Variants in DLG2 observed in about 807,000 individuals in gnomAD.
The protein encoded by DLG2 is discs large MAGUK scaffold protein 2.
Under a neutral mutation model 132.5 loss-of-function variants are expected in DLG2, and 45 were observed. The observed-to-expected ratio is 0.34, with a 90% CI of 0.27 to 0.44. The LOEUF (loss-of-function observed/expected upper bound fraction) is 0.44. Ranked by LOEUF, DLG2 falls within the 20% of genes least tolerant of loss-of-function variation. DLG2 has a pLI of 1.00. For synonymous variants in DLG2, 424 were observed against 419.6 expected, an observed-to-expected ratio of 1.01 and a Z score of -0.13; for missense variants, 1,045 against 1,196.9, an observed-to-expected ratio of 0.87 and a Z score of 1.87.
intron 6 of DLG2, among the ~76,000 whole-genome samples, chr11:84,929,015 T>C (rs1419651787): frequency 1.5e-5 from 2 of 134,248 alleles, no homozygotes; most frequent in South Asian, 2.3e-4. Context: ...TATATATATA[T>C]ATATATATAT....
chr11:85,197,143 G>A (rs1174764143), intron 4 of DLG2, among the ~76,000 whole-genome samples: 1 of 152,200 alleles, frequency 6.6e-6, no homozygotes, highest in African/African-American at 2.4e-5. Flanking sequence ...TATACAATCA[G>A]AGAGCTATAT....
intron 13 of DLG2, among the ~76,000 whole-genome samples, chr11:83,964,654 A>G (rs1265126173): frequency 6.6e-6 from 1 of 152,012 alleles, no homozygotes; most frequent in African/African-American, 2.4e-5. Context: ...AAACTTAGTT[A>G]AGATTCGTGT....
At chr11:84,777,211 C>A (rs2070724064) in intron 6 of DLG2, among the ~76,000 whole-genome samples, 1 of 135,288 alleles carries the variant, frequency 7.4e-6, no homozygotes, top group Non-Finnish European at 1.6e-5. Context: ...CATGTTGCTG[C>A]AAAAGATGTA....
chr11:84,334,867 A>T (rs1163012561), intron 7 of DLG2, among the ~76,000 whole-genome samples: 3 of 152,158 alleles, frequency 2.0e-5, no homozygotes. Context: ...TGAGAAAGTG[A>T]CATTTCGGCT....
intron 6 of DLG2, among the ~76,000 whole-genome samples, chr11:84,796,790 T>C (rs995442673): frequency 1.3e-5 from 2 of 151,878 alleles, no homozygotes; most frequent in African/African-American, 2.4e-5. Flanking sequence ...TTGTATGTTA[T>C]TTGTGTCTTT....
chr11:85,426,563 G>A (rs1242770382), intron 3 of DLG2, among the ~76,000 whole-genome samples: 1 of 150,588 alleles, frequency 6.6e-6, no homozygotes, highest in Non-Finnish European at 1.5e-5. Context: ...TGCAGCTGAG[G>A]GTCCTGATTG....
chr11:85,434,169 A>G (rs2091346859), intron 3 of DLG2, among the ~76,000 whole-genome samples: 1 of 152,196 alleles, frequency 6.6e-6, no homozygotes, highest in Non-Finnish European at 1.5e-5. Context: ...ACACAGCTAA[A>G]GCTGTGTTAA....
chr11:84,669,697 C>T (rs1413752124), intron 6 of DLG2, among the ~76,000 whole-genome samples: 2 of 151,968 alleles, frequency 1.3e-5, no homozygotes, highest in Non-Finnish European at 2.9e-5. Flanking sequence ...CATTTAGGGT[C>T]ACCTGACAAT....
Position 84,545,547 on chromosome 11 carries a change from G to A in DLG2, c.358-10816C>T, listed in dbSNP as rs543902622. The A allele has an allele frequency of 4.4e-5, 17 of 387,222 alleles. No individual in the cohort carries two copies. The East Asian group carries it at 1.0e-3, about 23-fold the overall frequency. 24.0% of individuals were successfully genotyped at this position (387,222 alleles called of 1,614,324 possible). On this transcript the variant is annotated intron_variant, in intron 6 of 27. Coordinates refer to ENST00000376104, the MANE Select transcript of DLG2 (RefSeq NM_001142699.3). ...ACTAGCCTTCTCTTGCTTTGACAGG[G>A]ATGAATTTACTGAACACTCTTTGAA...
chr11:84,362,491 C>T (rs1031555540), intron 7 of DLG2, among the ~76,000 whole-genome samples: 1 of 150,180 alleles, frequency 6.7e-6, no homozygotes, highest in South Asian at 2.1e-4. Context: ...TCAAATAATC[C>T]TCTTTTTTTT....
chr11:84,202,481 A>G (rs2096608886), intron 8 of DLG2, among the ~76,000 whole-genome samples: 1 of 152,244 alleles, frequency 6.6e-6, no homozygotes, highest in Non-Finnish European at 1.5e-5. Flanking sequence ...GATGGATTAA[A>G]GACTTAAATG....
At chr11:84,267,893 T>A (rs1254959576) in intron 7 of DLG2, among the ~76,000 whole-genome samples, 1 of 152,226 alleles carries the variant, frequency 6.6e-6, no homozygotes, top group Non-Finnish European at 1.5e-5. Context: ...CTGAAAATAA[T>A]CTCTTTCTTG....
chr11:84,706,204 T>C (rs555025784), intron 6 of DLG2, among the ~76,000 whole-genome samples: 1 of 151,812 alleles, frequency 6.6e-6, no homozygotes, highest in Non-Finnish European at 1.5e-5. Flanking sequence ...CAATACTGTA[T>C]TTGCTAAACA....
intron 18 of DLG2, among the ~76,000 whole-genome samples, chr11:83,690,841 G>C (rs2080865586): frequency 6.6e-6 from 1 of 152,078 alleles, no homozygotes; most frequent in Non-Finnish European, 1.5e-5. Flanking sequence ...TTATATAAAA[G>C]TTACATGAAA....
chr11:85,526,430 T>G lies in DLG2; in HGVS notation c.40+72227A>C, dbSNP rs547934297. Among the ~76,000 whole-genome samples the G allele has an allele frequency of 1.3e-4, 19 of 151,708 alleles. No homozygotes were observed. In the South Asian group the frequency reaches 4.0e-3, roughly 32 times the overall value. ...GACAGAAAAAAATGTGAACCTAGAG[T>G]TCTATATCCAAATATCTTTCAAAAA... is the stretch of plus-strand genomic sequence containing the variant. On this transcript the variant is annotated intron_variant, in intron 3 of 27. Coordinates refer to ENST00000376104, the MANE Select transcript of DLG2 (RefSeq NM_001142699.3).
chr11:85,008,274 G>A (rs932662777), intron 6 of DLG2, among the ~76,000 whole-genome samples: 1 of 152,102 alleles, frequency 6.6e-6, no homozygotes, highest in Non-Finnish European at 1.5e-5. Context: ...GAAGCATGCT[G>A]TAATAAAAAT....
intron 6 of DLG2, among the ~76,000 whole-genome samples, chr11:84,760,234 A>G (rs1407893140): frequency 2.0e-5 from 3 of 152,180 alleles, no homozygotes; most frequent in Non-Finnish European, 2.9e-5. Flanking sequence ...CTAGTAATAA[A>G]TCTCTTAGTA....
At chr11:83,836,950 T>G (rs771865211) in intron 16 of DLG2, among the ~76,000 whole-genome samples, 2 of 152,164 alleles carry the variant, frequency 1.3e-5, no homozygotes, top group African/African-American at 2.4e-5. Context: ...TTCACCTCAT[T>G]CTACCTCATT....
chr11:84,967,472 C>A (rs2053507074), intron 6 of DLG2, among the ~76,000 whole-genome samples: 3 of 151,992 alleles, frequency 2.0e-5, no homozygotes, highest in Non-Finnish European at 4.4e-5. Flanking sequence ...AGGATGCTCA[C>A]CAAAAGTAAT....
Sources: gnomAD v4.1 joint callset for allele counts (sites outside exome capture counted in the v4.1 genomes callset) on GRCh38, gnomAD v4.1.1 for gene constraint, MANE v1.5 for transcripts, NCBI Gene and HGNC (gene_info 2026-07-23, HGNC 2026-07-21) for gene names.